The following PDE4D variants were observed in gnomAD, a reference collection of about 807,000 sequenced individuals.
PDE4D encodes the protein 3',5'-cyclic-AMP phosphodiesterase 4D.
PDE4D carries 24 observed loss-of-function variants against 87.4 expected under a neutral mutation model. The observed-to-expected ratio is 0.27, with a 90% CI of 0.20 to 0.39. PDE4D has a LOEUF of 0.39. Ranked by LOEUF, PDE4D falls within the 10% of genes least tolerant of loss-of-function variation. The pLI, the probability that PDE4D is intolerant of heterozygous loss-of-function variation, is 1.00. For synonymous variants in PDE4D, 384 were observed against 383.2 expected, an observed-to-expected ratio of 1.00 and a Z score of -0.02; for missense variants, 714 against 1,041.0, an observed-to-expected ratio of 0.69 and a Z score of 4.32.
chr5:59,073,304 G>T (rs1765148860), intron 5 of PDE4D, among the ~76,000 whole-genome samples: 1 of 152,016 alleles, frequency 6.6e-6, no homozygotes, highest in Admixed American at 6.6e-5. Flanking sequence ...ATTCAGGAAG[G>T]GTTCAGATCT....
At chr5:59,793,126 CTGAG>C (rs926181197) in intron 1 of PDE4D, among the ~76,000 whole-genome samples, 1 of 152,168 alleles carries the variant, frequency 6.6e-6, no homozygotes, top group African/African-American at 2.4e-5. Context: ...CCCGAGGAGC[CTGAG>C]TGAGTTCCGT....
At chr5:59,917,819 C>G (rs994246209) in intron 3 of PDE4D, among the ~76,000 whole-genome samples, 3 of 151,920 alleles carry the variant, frequency 2.0e-5, no homozygotes, top group Non-Finnish European at 4.4e-5. Flanking sequence ...TTAATATAAC[C>G]TAATATTCTT....
At chr5:59,867,790 T>G (rs1747255697) in intron 1 of PDE4D, among the ~76,000 whole-genome samples, 1 of 152,102 alleles carries the variant, frequency 6.6e-6, no homozygotes, top group African/African-American at 2.4e-5. Context: ...TAGGAATCAA[T>G]CTCCTTGCTA....
chr5:60,493,869 C>T (rs868191439), intron 1 of PDE4D, among the ~76,000 whole-genome samples: 1 of 152,102 alleles, frequency 6.6e-6, no homozygotes. Flanking sequence ...GTTACACCCT[C>T]CTGAGTAAAT....
intron 5 of PDE4D, among the ~76,000 whole-genome samples, chr5:59,059,585 T>C (rs1762839099): frequency 1.3e-5 from 2 of 152,208 alleles, no homozygotes; most frequent in African/African-American, 4.8e-5. Flanking sequence ...TTTTGTGCTA[T>C]CAGTTTTTCC....
intron 1 of PDE4D, among the ~76,000 whole-genome samples, chr5:59,551,236 A>G (rs1009611092): frequency 4.6e-5 from 7 of 151,000 alleles, no homozygotes; most frequent in Non-Finnish European, 1.0e-4. Context: ...ATTTTATTTT[A>G]GTAATTTTAA....
chr5:60,186,818 TA>T (rs1409382084), intron 1 of PDE4D, among the ~76,000 whole-genome samples: 1 of 152,032 alleles, frequency 6.6e-6, no homozygotes, highest in Non-Finnish European at 1.5e-5. Context: ...ATTTAAAAGA[TA>T]AAAAACAAAG....
chr5:58,985,098 A>G (rs958813940), intron 11 of PDE4D, among the ~76,000 whole-genome samples: 3 of 151,596 alleles, frequency 2.0e-5, no homozygotes, highest in Non-Finnish European at 4.4e-5. Flanking sequence ...TTTTTTTTGT[A>G]AAGACAGGGT....
At chr5:60,392,531 A>T (rs1477599434) in intron 1 of PDE4D, among the ~76,000 whole-genome samples, 1 of 152,206 alleles carries the variant, frequency 6.6e-6, no homozygotes, top group African/African-American at 2.4e-5. Flanking sequence ...TGCCTCATTC[A>T]CTTTTGTAAC....
At chr5:59,984,387 G>A (rs557444001) in intron 3 of PDE4D, among the ~76,000 whole-genome samples, 20 of 152,072 alleles carry the variant, frequency 1.3e-4, no homozygotes, top group Admixed American at 8.5e-4. Flanking sequence ...GCCTGAATTC[G>A]CCTACCCTGT....
chr5:59,201,180 T>C (rs2153494326), intron 2 of PDE4D, among the ~76,000 whole-genome samples: 1 of 152,254 alleles, frequency 6.6e-6, no homozygotes, highest in Admixed American at 6.5e-5. Context: ...TTTAAAAAGC[T>C]ACTTATTAAA....
rs1742745549 is a variant in PDE4D at position 58,972,293 on chromosome 5, TAC to T, written c.*2369_*2370del. On this transcript the variant is annotated 3_prime_UTR_variant, in exon 15 of 15. Coordinates refer to ENST00000340635, the MANE Select transcript of PDE4D (RefSeq NM_001104631.2). ...TCTTGTGAAACTACTTGGTCAAACA[TAC>T]GTCTTTATTTTTTTCTTATTTGAAA... The T allele has an allele frequency of 6.6e-6, 1 of 152,638 alleles. No individual in the cohort carries two copies. The highest frequency in any genetic ancestry group is 1.5e-5 in the Non-Finnish European group (1 of 68,030). 9.5% of individuals were successfully genotyped at this position (152,638 alleles called of 1,614,324 possible). A position where few individuals can be genotyped will look rare whatever the true frequency, so the allele number is the denominator to read the frequency against.
In PDE4D at chr5:59,114,210, T is replaced by G. The variant is rs543630394; in HGVS notation, c.808+66385A>C. ...AAATGGGAAAAATGTGTTATAGCAG[T>G]AAGTCACCAAATATGATCCCTTTAA... On this transcript the variant is annotated intron_variant, in intron 5 of 14. Coordinates refer to ENST00000340635, the MANE Select transcript of PDE4D (RefSeq NM_001104631.2). 2.1e-4 allele frequency among the ~76,000 whole-genome samples: 32 copies of G among 152,272 alleles called. 1 individual carries two copies. The South Asian group carries it at 6.0e-3, about 29-fold the overall frequency.
chr5:59,672,466 A>G (rs1561448948), intron 1 of PDE4D, among the ~76,000 whole-genome samples: 1 of 152,214 alleles, frequency 6.6e-6, no homozygotes, highest in South Asian at 2.1e-4. Flanking sequence ...ATGTGATAAT[A>G]ACCTGATATT....
intron 3 of PDE4D, among the ~76,000 whole-genome samples, chr5:59,930,764 G>A (rs1300801555): frequency 2.0e-5 from 3 of 152,188 alleles, no homozygotes; most frequent in Non-Finnish European, 4.4e-5. Flanking sequence ...TCTTTTTAAA[G>A]AGAAGCAGGA....
At chr5:59,703,745 T>C in intron 1 of PDE4D, 1 of 399,516 alleles carries the variant, frequency 2.5e-6, no homozygotes, top group Non-Finnish European at 5.3e-6. Flanking sequence ...GCTAGTGGTG[T>C]TCAGCAGGGC....
intron 1 of PDE4D, among the ~76,000 whole-genome samples, chr5:59,626,808 T>C (rs2150131258): frequency 6.6e-6 from 1 of 152,338 alleles, no homozygotes; most frequent in South Asian, 2.1e-4. Flanking sequence ...CTAAAATGCA[T>C]TGATGAATAG....
At chr5:59,858,287 T>C (rs376778289) in intron 1 of PDE4D, among the ~76,000 whole-genome samples, 1 of 151,986 alleles carries the variant, frequency 6.6e-6, no homozygotes, top group East Asian at 1.9e-4. Flanking sequence ...GGTGATTATT[T>C]GGAGCAAAGG....
At chr5:59,157,153 G>A in intron 5 of PDE4D, 1 of 577,472 alleles carries the variant, frequency 1.7e-6, no homozygotes, top group South Asian at 2.4e-5. Context: ...CATTTCCATT[G>A]CTTCACAATT....
Sources: allele counts gnomAD v4.1 joint callset (sites outside exome capture counted in the v4.1 genomes callset), GRCh38; gene constraint gnomAD v4.1.1; transcripts MANE v1.5; gene names NCBI Gene and HGNC (gene_info 2026-07-23, HGNC 2026-07-21).